Variants in GARNL3 observed in about 807,000 individuals in gnomAD.
The protein encoded by GARNL3 is GTPase activating Rap/RanGAP domain like 3.
GARNL3 carries 63 observed loss-of-function variants against 125.0 expected under a neutral mutation model. The observed-to-expected ratio is 0.50, with a 90% confidence interval of 0.41 to 0.62. The LOEUF (loss-of-function observed/expected upper bound fraction) is 0.62, where lower values mean the gene tolerates loss of function less well. GARNL3 is among the 20% of genes least tolerant of loss of function. The probability of loss-of-function intolerance (pLI) is 0.00; values close to 1 mark genes in which losing one functional copy is unlikely to be tolerated. For missense variants in GARNL3, 994 were observed against 1,244.0 expected (o/e 0.80, Z 3.02); for synonymous variants, 439 against 457.5 (o/e 0.96, Z 0.52).
intron 16 of GARNL3, 88 bp from the exon 17 acceptor site, chr9:127,348,836 C>G (rs1830278834): frequency 3.7e-6 from 3 of 814,404 alleles, no homozygotes; most frequent in Non-Finnish European, 5.9e-6. Flanking sequence ...GTTACTGTTT[C>G]AGGTGTGGTA....
At chr9:127,258,884 G>A (rs542750725), upstream of GARNL3, among the ~76,000 whole-genome samples, 1 of 152,286 alleles carries the variant, frequency 6.6e-6, no homozygotes, top group Admixed American at 6.5e-5. Flanking sequence ...CGTGGAGCAG[G>A]GGCTGAGGCC....
chr9:127,291,540 C>G (rs1226892510), intron 2 of GARNL3, among the ~76,000 whole-genome samples: 1 of 152,174 alleles, frequency 6.6e-6, no homozygotes, highest in South Asian at 2.1e-4. Context: ...ACTTCCTCTG[C>G]CAGGCTGATC....
intron 1 of GARNL3, among the ~76,000 whole-genome samples, chr9:127,268,245 C>G (rs1183670438): frequency 6.6e-6 from 1 of 152,154 alleles, no homozygotes; most frequent in African/African-American, 2.4e-5. Flanking sequence ...GTTTCCCTGC[C>G]TTAACCAGGG....
chr9:127,299,842 G>T (rs781024607), intron 2 of GARNL3, among the ~76,000 whole-genome samples: 7 of 152,154 alleles, frequency 4.6e-5, no homozygotes, highest in Non-Finnish European at 8.8e-5. Flanking sequence ...TGGGATTACA[G>T]GTGTGAGCCA....
At chr9:127,314,380 CT>C (rs142804288) in intron 4 of GARNL3, among the ~76,000 whole-genome samples, 1 of 152,302 alleles carries the variant, frequency 6.6e-6, no homozygotes, top group African/African-American at 2.4e-5. Flanking sequence ...GGGAAGGGGC[CT>C]CTGGTTCAAA....
intron 2 of GARNL3, among the ~76,000 whole-genome samples, chr9:127,291,948 A>G (rs1191003356): frequency 6.6e-6 from 1 of 151,936 alleles, no homozygotes; most frequent in African/African-American, 2.4e-5. Flanking sequence ...AAACTGTCTC[A>G]AGATTATTGC....
At chr9:127,291,283 A>C (rs1403423122) in intron 2 of GARNL3, 41 bp downstream of exon 2, 1 of 1,512,108 alleles carries the variant, frequency 6.6e-7, no homozygotes, top group Non-Finnish European at 9.2e-7. Context: ...CACCAAGCAC[A>C]TGATTATAGT....
At chr9:127,236,022 C>T (rs76560975) in intron 1 of GARNL3, among the ~76,000 whole-genome samples, 154 of 152,284 alleles carry the variant, frequency 1.0e-3, no homozygotes, top group Non-Finnish European at 2.0e-3. Flanking sequence ...TAGTGTTTTA[C>T]ATGAAAAAGA....
intron 1 of GARNL3, among the ~76,000 whole-genome samples, chr9:127,238,446 C>T (rs1197562253): frequency 6.6e-6 from 1 of 152,186 alleles, no homozygotes; most frequent in African/African-American, 2.4e-5. Flanking sequence ...AATACTAAGA[C>T]TCAAGGCACA....
intron 17 of GARNL3, among the ~76,000 whole-genome samples, chr9:127,350,244 C>T (rs1393394867): frequency 6.6e-6 from 1 of 152,156 alleles, no homozygotes; most frequent in Non-Finnish European, 1.5e-5. Context: ...TGAAAGAAAA[C>T]CTCTATGAGC....
At chr9:127,367,674 T>TAAAGG (rs1199289383) in intron 22 of GARNL3, among the ~76,000 whole-genome samples, 8 of 152,188 alleles carry the variant, frequency 5.3e-5, no homozygotes, top group Non-Finnish European at 1.2e-4. Flanking sequence ...ATCATTCACC[T>TAAAGG]TTAATGCAAG....
intron 15 of GARNL3, 93 bp from the exon 16 acceptor site, chr9:127,345,307 ACTC>A (rs1830077327): frequency 1.5e-6 from 1 of 650,292 alleles, no homozygotes; most frequent in South Asian, 2.5e-5. Context: ...GCCTGCAATT[ACTC>A]CTGTTTTATT....
chr9:127,289,876 T>A (rs924652669), intron 1 of GARNL3, among the ~76,000 whole-genome samples: 1 of 152,218 alleles, frequency 6.6e-6, no homozygotes, highest in Non-Finnish European at 1.5e-5. Flanking sequence ...AAACATTTGC[T>A]TTTAGAAATT....
Position 127,333,106 on chromosome 9 carries a change from G to T in GARNL3, c.754G>T (p.Gly252Cys). ...AAAGGGCTGGACGGGCTACCGTGGC[G>T]GTCTGGATACCAAAAGTAAGCCTGC... ...TLKGWTGYRG[G>C]LDTKNDTTGI... The change falls in exon 9 of 28, where the codon GGT (glycine) becomes TGT (cysteine). Residue 252 changes from glycine to cysteine, a missense_variant. Physicochemically the swap from Gly to Cys is radical, Grantham distance 159 (BLOSUM62 -3). This residue lies in a region of GARNL3 where 71 missense variants were observed against 66.2 expected (regional missense o/e 1.07). Coordinates refer to ENST00000373387, the MANE Select transcript of GARNL3 (RefSeq NM_032293.5). 1 of 1,613,416 alleles carries T rather than the reference G, an allele frequency of 6.2e-7. No individual in the cohort carries two copies. The highest frequency in any genetic ancestry group is 8.5e-7 in the Non-Finnish European group (1 of 1,179,492).
chr9:127,352,784 G>T (rs1278389697), intron 17 of GARNL3, among the ~76,000 whole-genome samples: 2 of 152,098 alleles, frequency 1.3e-5, no homozygotes, highest in East Asian at 3.9e-4. Context: ...CATCCAGGAC[G>T]GGATGAACTC....
At position 127,333,070 on chromosome 9, in the gene GARNL3, A is replaced by G; in HGVS notation, c.718A>G (p.Thr240Ala). 1 of 1,614,156 alleles carries G rather than the reference A, an allele frequency of 6.2e-7. No homozygotes were observed. Among genetic ancestry groups the G allele is most frequent in the African/African-American group, 1.3e-5 (1 of 75,062 alleles). Residue 240 changes from threonine to alanine, a missense_variant, in exon 9 of 28, where the codon ACA (threonine) becomes GCA (alanine). Around this residue, in one of 5 missense-constraint regions of GARNL3, gnomAD observed 71 missense variants for 66.2 expected, o/e 1.07. Transcript: ENST00000373387. ...AAAATTTTTAAATCTTCTGGGTGAC[A>G]CAATCACTCTAAAGGGCTGGACGGG... The part of the protein sequence containing the change: ...FQKFLNLLGD[T>A]ITLKGWTGYR...
intron 2 of GARNL3, chr9:127,300,895 A>T (rs752520298): frequency 1.2e-5 from 3 of 248,466 alleles, no homozygotes; most frequent in Non-Finnish European, 1.6e-5. Flanking sequence ...TAAAGGACTC[A>T]CAGTGGGTAA....
chr9:127,250,626 G>C (rs1188783559), intron 2 of GARNL3, among the ~76,000 whole-genome samples: 1 of 152,176 alleles, frequency 6.6e-6, no homozygotes, highest in Non-Finnish European at 1.5e-5. Context: ...TCGAGTTGGA[G>C]GTTTGGTTTG....
At position 127,226,586 on chromosome 9, in the gene GARNL3, T is replaced by C. The variant is rs565366961; in HGVS notation, c.-29+2248T>C. On this transcript the variant is annotated intron_variant, in intron 1 of 10. Coordinates refer to the GARNL3 transcript ENST00000439286. Reference sequence around the variant, plus strand: ...TGTTTCTCATCTGGGCCCTTATTCATATCACACTCTTCTCTCTACTTAGAA... The same window carrying C: ...TGTTTCTCATCTGGGCCCTTATTCACATCACACTCTTCTCTCTACTTAGAA... 2.6e-5 allele frequency among the ~76,000 whole-genome samples: 4 copies of C among 152,330 alleles called. No homozygotes were observed. In the South Asian group the frequency reaches 8.3e-4, roughly 32 times the overall value.
Sources: allele counts gnomAD v4.1 joint callset (sites outside exome capture counted in the v4.1 genomes callset), GRCh38; gene constraint gnomAD v4.1.1; regional missense constraint gnomAD v4.1.1; transcripts MANE v1.5; gene names NCBI Gene and HGNC (gene_info 2026-07-23, HGNC 2026-07-21).